The following INPP5A variants were observed in gnomAD, a reference collection of about 807,000 sequenced individuals.
INPP5A encodes the protein 43 kDa inositol polyphosphate 5-phophatase.
A neutral mutation model predicts 65.2 loss-of-function variants in INPP5A; 14 were observed. The observed-to-expected ratio is 0.21, with a 90% CI of 0.14 to 0.34. The LOEUF (loss-of-function observed/expected upper bound fraction) is 0.34, where lower values mean the gene tolerates loss of function less well. INPP5A is among the 10% of genes least tolerant of loss of function. The pLI is 1.00. For missense variants in INPP5A, 431 were observed against 545.6 expected (o/e 0.79, Z 2.09); for synonymous variants, 207 against 208.3 (o/e 0.99, Z 0.05).
rs978100452 is a variant in INPP5A, at chr10:132,753,932, T to C, written c.903+4087T>C. 4.6e-5 allele frequency: 7 copies of C among 152,242 alleles called. No homozygotes were observed. Among genetic ancestry groups the C allele is most frequent in the African/African-American group, 1.4e-4 (6 of 41,460 alleles). 9.4% of individuals were successfully genotyped at this position (152,242 alleles called of 1,614,324 possible). The stretch of plus-strand genomic sequence containing the variant: ...GACCATGCGAAATTGGTGATCATGT[T>C]TGTGAAAAATCTCAGAGAGATACAA... On this transcript the variant is annotated intron_variant, in intron 11 of 15. Coordinates refer to ENST00000368594, the MANE Select transcript of INPP5A (RefSeq NM_005539.5). This position sits in a 1 kb window ranked among gnomAD's most constrained non-coding sequence, Gnocchi z 5.3.
At chr10:132,586,558 A>G (rs1164416355) in intron 1 of INPP5A, among the ~76,000 whole-genome samples, 8 of 152,164 alleles carry the variant, frequency 5.3e-5, no homozygotes, top group Non-Finnish European at 1.2e-4. Flanking sequence ...GTCACTTGGC[A>G]TGGGGGACTG....
chr10:132,614,140 G>A (rs1314852866), intron 2 of INPP5A, among the ~76,000 whole-genome samples: 1 of 152,176 alleles, frequency 6.6e-6, no homozygotes, highest in Non-Finnish European at 1.5e-5. Flanking sequence ...TGGCACTGGA[G>A]AGCTTGGCAC....
chr10:132,598,869 A>G (rs922652571), intron 1 of INPP5A, among the ~76,000 whole-genome samples: 2 of 152,212 alleles, frequency 1.3e-5, no homozygotes, highest in East Asian at 3.8e-4. Flanking sequence ...AGAGAAAATG[A>G]GAGAGAAGTA....
intron 3 of INPP5A, among the ~76,000 whole-genome samples, chr10:132,647,754 T>C (rs76257366): frequency 0.015 from 2,217 of 152,268 alleles, 30 homozygotes; most frequent in South Asian, 0.039. Context: ...TGGTGTCCTG[T>C]TGGGAAAAAT....
At chr10:132,780,530 C>T (rs1364638905) in intron 13 of INPP5A, among the ~76,000 whole-genome samples, 7 of 152,254 alleles carry the variant, frequency 4.6e-5, no homozygotes, top group Admixed American at 2.0e-4. Context: ...GGAGCATGTC[C>T]GGGAGAGGGG....
At position 132,659,431 on chromosome 10, in the gene INPP5A, G is replaced by C. The variant is rs2072705793; in HGVS notation, c.306+8926G>C. Among the ~76,000 whole-genome samples the C allele has an allele frequency of 6.6e-6, 1 of 152,206 alleles. No individual in the cohort carries two copies. The highest frequency in any genetic ancestry group is 1.5e-5 in the Non-Finnish European group (1 of 68,038). ...GGGAGTGGTGGGCAGTGCTGGCCAT[G>C]AGGTCCCTGTGGGGTGCATCCACGG... On this transcript the variant is annotated intron_variant, in intron 4 of 15. Transcript: ENST00000368594. The surrounding 1 kb of genome is among the most constrained non-coding windows in gnomAD (Gnocchi z 5.5).
chr10:132,671,342 G>A (rs1425514849), intron 4 of INPP5A, among the ~76,000 whole-genome samples: 2 of 149,080 alleles, frequency 1.3e-5, no homozygotes, highest in African/African-American at 4.9e-5. Flanking sequence ...TTCGGACTCC[G>A]CCCTCCCTGC....
chr10:132,619,792 G>C (rs1350120585), intron 2 of INPP5A, among the ~76,000 whole-genome samples: 1 of 152,162 alleles, frequency 6.6e-6, no homozygotes, highest in Admixed American at 6.5e-5. Flanking sequence ...CTGAGTAGCT[G>C]GGATTACAGT....
At chr10:132,733,855 C>T (rs750107285) in intron 9 of INPP5A, among the ~76,000 whole-genome samples, 28 of 152,260 alleles carry the variant, frequency 1.8e-4, no homozygotes, top group Admixed American at 2.0e-4. Context: ...GGCCCTGTGG[C>T]ACGTCCCTGT....
At chr10:132,773,518 T>C (rs962920445) in intron 12 of INPP5A, among the ~76,000 whole-genome samples, 1 of 152,226 alleles carries the variant, frequency 6.6e-6, no homozygotes, top group Non-Finnish European at 1.5e-5. Context: ...ATTTATGTTC[T>C]CCTGTCTTTA....
chr10:132,562,696 C>T (rs1278873311), intron 1 of INPP5A, among the ~76,000 whole-genome samples: 1 of 152,222 alleles, frequency 6.6e-6, no homozygotes, highest in Non-Finnish European at 1.5e-5. Flanking sequence ...CCTCAGAGCC[C>T]ACGGCACTGT....
At chr10:132,765,269 G>T (rs914257678) in intron 11 of INPP5A, among the ~76,000 whole-genome samples, 1 of 152,202 alleles carries the variant, frequency 6.6e-6, no homozygotes, top group African/African-American at 2.4e-5. Flanking sequence ...GCTGCCTCCC[G>T]TGCATGTGAG....
chr10:132,593,683 A>T (rs543955460), intron 1 of INPP5A, among the ~76,000 whole-genome samples: 1 of 152,192 alleles, frequency 6.6e-6, no homozygotes, highest in African/African-American at 2.4e-5. Context: ...GTTCCTCTAT[A>T]GCTAAGATGT....
rs2070869494 is a variant in INPP5A, at chr10:132,538,443, C to A, written c.75+272C>A. 6.6e-6 allele frequency among the ~76,000 whole-genome samples: 1 copy of A among 152,152 alleles called. No homozygotes were observed. Among genetic ancestry groups the A allele is most frequent in the African/African-American group, 2.4e-5 (1 of 41,432 alleles). Reference sequence around the variant, plus strand: ...CAGACTCCAGCAGCTGACCGTTGACCCTGGGACCCTGCCTCTGAACTCCTG... The same window carrying A: ...CAGACTCCAGCAGCTGACCGTTGACACTGGGACCCTGCCTCTGAACTCCTG... On this transcript the variant is annotated intron_variant, in intron 1 of 15. Transcript: ENST00000368594. The surrounding 1 kb of genome is among the most constrained non-coding windows in gnomAD (Gnocchi z 4.1).
At chr10:132,604,449 C>T (rs1425765987) in intron 1 of INPP5A, among the ~76,000 whole-genome samples, 1 of 152,242 alleles carries the variant, frequency 6.6e-6, no homozygotes, top group African/African-American at 2.4e-5. Context: ...TGCAGTCAGA[C>T]CCTGTTTTGT....
chr10:132,578,620 G>T (rs931157707), intron 1 of INPP5A, among the ~76,000 whole-genome samples: 1 of 138,406 alleles, frequency 7.2e-6, no homozygotes. Flanking sequence ...AGTGTGTGGG[G>T]CGTCTCACCC....
intron 12 of INPP5A, among the ~76,000 whole-genome samples, chr10:132,771,807 AG>A (rs1565011625): frequency 6.7e-5 from 5 of 74,140 alleles, no homozygotes; most frequent in African/African-American, 1.5e-4. Flanking sequence ...ACGGAGGCCC[AG>A]GCAGCCGCCC....
chr10:132,730,883 A>G (rs1490562790), intron 9 of INPP5A, among the ~76,000 whole-genome samples: 1 of 152,162 alleles, frequency 6.6e-6, no homozygotes, highest in Non-Finnish European at 1.5e-5. Context: ...ACTTCATTTC[A>G]TTTTAATTCA....
chr10:132,679,871 A>G (rs1313934157), intron 4 of INPP5A, among the ~76,000 whole-genome samples: 1 of 152,216 alleles, frequency 6.6e-6, no homozygotes, highest in Non-Finnish European at 1.5e-5. Flanking sequence ...TCCATGGGAG[A>G]GGACAGCCTC....
Sources: gnomAD v4.1 joint callset for allele counts (sites outside exome capture counted in the v4.1 genomes callset) on GRCh38, gnomAD v4.1.1 for gene constraint, Gnocchi (gnomAD v3.1) non-coding constraint, MANE v1.5 for transcripts, NCBI Gene and HGNC (gene_info 2026-07-23, HGNC 2026-07-21) for gene names.